Variants in CNBD1 observed in about 807,000 individuals in gnomAD.
CNBD1 encodes the protein cyclic nucleotide binding domain containing 1, also known as cyclic nucleotide-binding domain-containing protein 1.
In CNBD1, 71 loss-of-function variants were observed where a neutral mutation model predicts 54.4. That is an observed-to-expected ratio of 1.30 (90% CI 1.08 to 1.59). CNBD1 has a LOEUF of 1.59. Among genes scored for constraint, CNBD1 ranks in the 40% most tolerant of loss-of-function variants. The pLI is 0.00. For missense variants in CNBD1, 659 were observed against 518.0 expected (o/e 1.27, Z -2.64); for synonymous variants, 182 against 170.7 (o/e 1.07, Z -0.51).
intron 4 of CNBD1, among the ~76,000 whole-genome samples, chr8:87,071,519 G>A (rs1434269710): frequency 6.6e-6 from 1 of 152,038 alleles, no homozygotes; most frequent in African/African-American, 2.4e-5. Flanking sequence ...ATTGATTTCT[G>A]GTAATGGCAA....
Position 87,008,024 on chromosome 8 carries a change from A to T in CNBD1, c.431+68270A>T, listed in dbSNP as rs983257285. On this transcript the variant is annotated intron_variant, in intron 4 of 10. Transcript: ENST00000518476. ...TTGTCTGCATGCTCATATTGTTTTC[A>T]TACGGATTTTAAAATTACTCTGGTT... is the stretch of plus-strand genomic sequence containing the variant. Among the ~76,000 whole-genome samples, 3 of 152,328 alleles carry T rather than the reference A, an allele frequency of 2.0e-5. No homozygotes were observed. The South Asian group carries it at 6.2e-4, about 32-fold the overall frequency.
At chr8:87,394,133 AC>A (rs1330708073) in intron 2 of CNBD1, among the ~76,000 whole-genome samples, 1 of 151,850 alleles carries the variant, frequency 6.6e-6, no homozygotes, top group East Asian at 1.9e-4. Context: ...CGTAACAATC[AC>A]CCACATAGAA....
At position 87,287,084 on chromosome 8, in the gene CNBD1, A is replaced by G. The variant is rs185384562; in HGVS notation, c.1042+413A>G. On this transcript the variant is annotated intron_variant, in intron 8 of 10. Transcript: ENST00000518476. ...TTAAGCAGCAAGTTTGCTAATCTGTACTTGTGCTACATATATTAGCCATGG... is the reference window on the plus strand; with the variant it reads ...TTAAGCAGCAAGTTTGCTAATCTGTGCTTGTGCTACATATATTAGCCATGG... Among the ~76,000 whole-genome samples, 15 of 152,284 alleles carry G rather than the reference A, an allele frequency of 9.9e-5. No individual in the cohort carries two copies. In the East Asian group the frequency reaches 2.7e-3, roughly 27 times the overall value.
intron 6 of CNBD1, among the ~76,000 whole-genome samples, chr8:87,241,876 A>G (rs1405369764): frequency 6.6e-6 from 1 of 152,196 alleles, no homozygotes; most frequent in South Asian, 2.1e-4. Flanking sequence ...TTGTAAGTGT[A>G]TAAGTTGGGG....
At chr8:87,336,450 C>T (rs1181823688) in intron 8 of CNBD1, among the ~76,000 whole-genome samples, 3 of 151,948 alleles carry the variant, frequency 2.0e-5, no homozygotes, top group Non-Finnish European at 2.9e-5. Flanking sequence ...GCCAGATGGT[C>T]TTCCGTCTGA....
intron 10 of CNBD1, among the ~76,000 whole-genome samples, chr8:87,377,417 C>G (rs1283226462): frequency 6.7e-6 from 1 of 150,208 alleles, no homozygotes; most frequent in Non-Finnish European, 1.5e-5. Flanking sequence ...GTTTTTTGTT[C>G]TTGCGATAGT....
chr8:87,056,914 A>T (rs1045594218), intron 4 of CNBD1, among the ~76,000 whole-genome samples: 1 of 152,210 alleles, frequency 6.6e-6, no homozygotes, highest in South Asian at 2.1e-4. Flanking sequence ...AATTCTAAGA[A>T]AGCCCTCATG....
At chr8:87,340,486 A>T (rs1010723832) in intron 8 of CNBD1, among the ~76,000 whole-genome samples, 1 of 152,084 alleles carries the variant, frequency 6.6e-6, no homozygotes, top group Non-Finnish European at 1.5e-5. Flanking sequence ...CTTTACATAA[A>T]CTTTCTGTTT....
chr8:86,967,638 CT>C (rs1484053525), intron 4 of CNBD1, among the ~76,000 whole-genome samples: 1 of 152,178 alleles, frequency 6.6e-6, no homozygotes, highest in Non-Finnish European at 1.5e-5. Context: ...TTTTTAAATT[CT>C]TTCTCAGAAT....
chr8:87,007,219 A>T lies in CNBD1; in HGVS notation c.431+67465A>T, dbSNP rs552145323. Among the ~76,000 whole-genome samples, 425 of 152,146 alleles carry T rather than the reference A, an allele frequency of 2.8e-3. 5 individuals are homozygous for T. The highest frequency in any genetic ancestry group is 9.0e-3 in the African/African-American group (374 of 41,516). On this transcript the variant is annotated intron_variant, in intron 4 of 10. Coordinates refer to ENST00000518476, the MANE Select transcript of CNBD1 (RefSeq NM_173538.3). ...TCTCAGAAAAAAAAAAAAAAAATTTAAAACTTATTACTGATTTTCCTAAAT... is the reference window on the plus strand; with the variant it reads ...TCTCAGAAAAAAAAAAAAAAAATTTTAAACTTATTACTGATTTTCCTAAAT...
chr8:87,266,526 A>G (rs1264796840), intron 6 of CNBD1, among the ~76,000 whole-genome samples: 2 of 123,040 alleles, frequency 1.6e-5, no homozygotes, highest in Non-Finnish European at 3.1e-5. Flanking sequence ...ATGTCGGCTC[A>G]CTGCAACCTC....
chr8:86,992,328 C>A (rs1808771584), intron 4 of CNBD1, among the ~76,000 whole-genome samples: 3 of 151,472 alleles, frequency 2.0e-5, no homozygotes, highest in Admixed American at 2.0e-4. Context: ...ATAATAATAC[C>A]AACTCCTGCT....
intron 5 of CNBD1, among the ~76,000 whole-genome samples, chr8:87,224,282 A>G (rs1413393974): frequency 6.7e-6 from 1 of 149,350 alleles, no homozygotes; most frequent in Non-Finnish European, 1.5e-5. Flanking sequence ...TTTTGTTGCC[A>G]TTGCTTTTGG....
downstream of CNBD1, among the ~76,000 whole-genome samples, chr8:87,386,946 C>T (rs528528437): frequency 6.6e-6 from 1 of 152,216 alleles, no homozygotes; most frequent in East Asian, 1.9e-4. Flanking sequence ...GAGTGGGGGC[C>T]AAAATTCAAC....
intron 5 of CNBD1, among the ~76,000 whole-genome samples, chr8:87,233,459 G>T (rs1168648475): frequency 6.6e-6 from 1 of 152,146 alleles, no homozygotes; most frequent in Non-Finnish European, 1.5e-5. Flanking sequence ...ATTGCATTAT[G>T]TTTAAAAATA....
chr8:87,230,129 G>A (rs954148450), intron 5 of CNBD1, among the ~76,000 whole-genome samples: 2 of 152,124 alleles, frequency 1.3e-5, no homozygotes, highest in Non-Finnish European at 2.9e-5. Context: ...AGAGAGAAGA[G>A]GGAGGTGCCA....
intron 4 of CNBD1, among the ~76,000 whole-genome samples, chr8:87,025,254 TG>T (rs1445653955): frequency 2.6e-5 from 4 of 152,044 alleles, no homozygotes; most frequent in African/African-American, 7.2e-5. Flanking sequence ...AGGATGTGGG[TG>T]GGGCCAAATA....
chr8:86,872,223 G>C lies in CNBD1; in HGVS notation c.88+5640G>C, dbSNP rs141611276. Among the ~76,000 whole-genome samples the C allele has an allele frequency of 3.9e-5, 6 of 152,210 alleles. No homozygotes were observed. In the East Asian group the frequency reaches 1.2e-3, roughly 29 times the overall value. ...ATCTTCACCATATTGTCATGCCTTA[G>C]CTCATGTTTCCTGTGTTTGGGGTTC... On this transcript the variant is annotated intron_variant, in intron 1 of 10. Coordinates refer to ENST00000518476, the MANE Select transcript of CNBD1 (RefSeq NM_173538.3).
intron 4 of CNBD1, among the ~76,000 whole-genome samples, chr8:87,185,882 G>A (rs1022906896): frequency 3.3e-5 from 5 of 151,978 alleles, no homozygotes; most frequent in African/African-American, 9.7e-5. Flanking sequence ...CCTCAGTTAT[G>A]TCTCCTCAAT....
Sources: gnomAD v4.1 joint callset for allele counts (sites outside exome capture counted in the v4.1 genomes callset) on GRCh38, gnomAD v4.1.1 for gene constraint, MANE v1.5 for transcripts, NCBI Gene and HGNC (gene_info 2026-07-23, HGNC 2026-07-21) for gene names.